PRKD1: variants seen among roughly 807,000 people sequenced by gnomAD.
The protein encoded by PRKD1 is serine/threonine-protein kinase D1.
A neutral mutation model predicts 95.9 loss-of-function variants in PRKD1; 63 were observed. The ratio of observed to expected loss-of-function variants is 0.66; its 90% CI spans 0.54 to 0.81. The LOEUF (loss-of-function observed/expected upper bound fraction) is 0.81. PRKD1 is among the 30% of genes least tolerant of loss of function. The pLI is 0.00. For synonymous variants in PRKD1, 425 were observed against 423.1 expected (o/e 1.00, Z -0.05); for missense variants, 1,048 against 1,165.3 (o/e 0.90, Z 1.47).
chr14:29,862,726 C>A (rs1892753599), intron 1 of PRKD1, among the ~76,000 whole-genome samples: 1 of 151,914 alleles, frequency 6.6e-6, no homozygotes, highest in South Asian at 2.1e-4. Flanking sequence ...ATTTTTTTTC[C>A]TATAGAGTTG....
chr14:29,808,464 G>A (rs959800307), intron 1 of PRKD1, among the ~76,000 whole-genome samples: 2 of 118,610 alleles, frequency 1.7e-5, no homozygotes, highest in African/African-American at 3.2e-5. Context: ...CAATAGTGTT[G>A]TCTCAGCTCA....
At chr14:29,820,019 C>A (rs1026958419) in intron 1 of PRKD1, among the ~76,000 whole-genome samples, 1 of 152,106 alleles carries the variant, frequency 6.6e-6, no homozygotes, top group Non-Finnish European at 1.5e-5. Flanking sequence ...ACAGAGAGTG[C>A]CAGTTATTTC....
At chr14:29,848,696 A>C (rs887262550) in intron 1 of PRKD1, among the ~76,000 whole-genome samples, 1 of 152,236 alleles carries the variant, frequency 6.6e-6, no homozygotes, top group African/African-American at 2.4e-5. Context: ...ACAAAGAAAC[A>C]GAAAACTATA....
chr14:29,600,361 A>G (rs1280203547), intron 13 of PRKD1, among the ~76,000 whole-genome samples: 1 of 152,210 alleles, frequency 6.6e-6, no homozygotes, highest in Non-Finnish European at 1.5e-5. Context: ...CAACAAAAAA[A>G]AAGTGAGCCT....
rs374424777 is a variant in PRKD1, at chr14:29,927,236, T to C, written c.264+13A>G. The C allele has an allele frequency of 8.6e-4, 1,280 of 1,487,174 alleles. 1 individual carries two copies. The highest frequency in any genetic ancestry group is 1.1e-3 in the Non-Finnish European group (1,201 of 1,118,274). 92.1% of individuals were successfully genotyped at this position (1,487,174 alleles called of 1,614,324 possible). A position where few individuals can be genotyped will look rare whatever the true frequency, so the allele number is the denominator to read the frequency against. ...CGGGGAGGCGCCGGGCTGGCAGCGG[T>C]GCGGCGACTTACCTTCTGGTCGACA... is the stretch of plus-strand genomic sequence containing the variant. On this transcript the variant is annotated intron_variant, in intron 1 of 17. Transcript: ENST00000331968.
chr14:29,831,449 GTTT>G (rs71108500), intron 1 of PRKD1, among the ~76,000 whole-genome samples: 9 of 128,556 alleles, frequency 7.0e-5, no homozygotes, highest in Admixed American at 8.1e-5. Context: ...AGAATGTTTG[GTTT>G]TTTTTTTTTT....
chr14:29,788,945 G>GGCGT (rs1889402054), intron 1 of PRKD1, among the ~76,000 whole-genome samples: 1 of 151,958 alleles, frequency 6.6e-6, no homozygotes, highest in Non-Finnish European at 1.5e-5. Context: ...TGAGTGCAGT[G>GGCGT]GCGTGATCAT....
chr14:29,865,215 G>A (rs1411164115), intron 1 of PRKD1, among the ~76,000 whole-genome samples: 1 of 152,200 alleles, frequency 6.6e-6, no homozygotes, highest in Non-Finnish European at 1.5e-5. Context: ...CACCAGAGTG[G>A]GTGACTGTTT....
At chr14:29,584,204 T>C (rs998976041) in intron 16 of PRKD1, among the ~76,000 whole-genome samples, 4 of 152,304 alleles carry the variant, frequency 2.6e-5, no homozygotes, top group Admixed American at 2.6e-4. Context: ...AAATACAGAA[T>C]TATATTTGAA....
intron 13 of PRKD1, among the ~76,000 whole-genome samples, chr14:29,618,763 T>A (rs918568212): frequency 8.3e-6 from 1 of 120,106 alleles, no homozygotes; most frequent in Non-Finnish European, 1.8e-5. Context: ...ACCTAAGTTA[T>A]ATAGAGAAAA....
intron 1 of PRKD1, among the ~76,000 whole-genome samples, chr14:29,782,049 A>C (rs1889071925): frequency 6.6e-6 from 1 of 152,186 alleles, no homozygotes; most frequent in Admixed American, 6.5e-5. Context: ...TTTACACCCT[A>C]ATATTCCTTG....
At position 29,708,709 on chromosome 14, in the gene PRKD1, C is replaced by T. The variant is rs192438143; in HGVS notation, c.403+16827G>A. On this transcript the variant is annotated intron_variant, in intron 2 of 17. Transcript: ENST00000331968. The stretch of plus-strand genomic sequence containing the variant: ...CTCTACAAAAAATACAAAAATTAGC[C>T]GGGCATGGTGGCTCGCATGCCAGTA... Among the ~76,000 whole-genome samples the T allele has an allele frequency of 1.0e-3, 155 of 152,090 alleles. 1 individual carries two copies. The highest frequency in any genetic ancestry group is 2.4e-4 in the African/African-American group (10 of 41,498).
intron 2 of PRKD1, among the ~76,000 whole-genome samples, chr14:29,695,734 T>C (rs1884480383): frequency 6.6e-6 from 1 of 152,180 alleles, no homozygotes; most frequent in Non-Finnish European, 1.5e-5. Flanking sequence ...GGAGAGACAT[T>C]TTTAAACTGG....
chr14:29,672,778 A>T (rs1882937547), intron 2 of PRKD1, among the ~76,000 whole-genome samples: 1 of 152,200 alleles, frequency 6.6e-6, no homozygotes, highest in Non-Finnish European at 1.5e-5. Flanking sequence ...AATTACTAAC[A>T]TTCAAGGAGA....
At chr14:29,639,509 C>G (rs568383367) in intron 4 of PRKD1, among the ~76,000 whole-genome samples, 13 of 152,160 alleles carry the variant, frequency 8.5e-5, no homozygotes, top group South Asian at 8.3e-4. Context: ...ATCCCAGCTA[C>G]TCGGTATGCT....
intron 2 of PRKD1, among the ~76,000 whole-genome samples, chr14:29,673,136 C>G (rs1240587339): frequency 6.6e-6 from 1 of 151,902 alleles, no homozygotes; most frequent in African/African-American, 2.4e-5. Context: ...GTTGCTTGAA[C>G]AAAATAGATA....
chr14:29,816,893 T>C (rs1472102436), intron 1 of PRKD1, among the ~76,000 whole-genome samples: 2 of 152,216 alleles, frequency 1.3e-5, no homozygotes, highest in African/African-American at 4.8e-5. Context: ...TGTTGCTGCC[T>C]TCAGCAGAAA....
chr14:29,902,884 G>A (rs559088385), intron 1 of PRKD1, among the ~76,000 whole-genome samples: 14 of 152,068 alleles, frequency 9.2e-5, no homozygotes, highest in Non-Finnish European at 2.1e-4. Context: ...TAGACATAAC[G>A]ACTGTTAGAA....
At chr14:29,902,002 T>G (rs936498767) in intron 1 of PRKD1, among the ~76,000 whole-genome samples, 1 of 152,020 alleles carries the variant, frequency 6.6e-6, no homozygotes, top group African/African-American at 2.4e-5. Context: ...ATAACTTGAG[T>G]CTTCTATTTG....
Sources: gnomAD v4.1 joint callset for allele counts (sites outside exome capture counted in the v4.1 genomes callset) on GRCh38, gnomAD v4.1.1 for gene constraint, MANE v1.5 for transcripts, NCBI Gene and HGNC (gene_info 2026-07-23, HGNC 2026-07-21) for gene names.